ANKRD11: variants seen among roughly 807,000 people sequenced by gnomAD.
ANKRD11 encodes the protein ankyrin repeat domain-containing protein 11.
A neutral mutation model predicts 195.7 loss-of-function variants in ANKRD11; 17 were observed. The observed-to-expected ratio is 0.09, with a 90% confidence interval of 0.06 to 0.13. The LOEUF (loss-of-function observed/expected upper bound fraction) is 0.13, where lower values mean the gene tolerates loss of function less well. ANKRD11 is among the 10% of genes least tolerant of loss of function. The probability of loss-of-function intolerance (pLI) is 1.00; values close to 1 mark genes in which losing one functional copy is unlikely to be tolerated. For missense variants in ANKRD11, 3,735 were observed against 3,566.1 expected, an observed-to-expected ratio of 1.05 and a Z score of -1.21; for synonymous variants, 1,953 against 1,528.1, an observed-to-expected ratio of 1.28 and a Z score of -6.49.
Position 89,282,387 on chromosome 16 carries a change from G to C in ANKRD11, c.4155C>G (p.Ser1385Arg). 1 of 1,614,134 alleles carries C rather than the reference G, an allele frequency of 6.2e-7. No homozygotes were observed. Among genetic ancestry groups the C allele is most frequent in the Non-Finnish European group, 8.5e-7 (1 of 1,180,028 alleles). The stretch of plus-strand genomic sequence containing the variant: ...TTTCGTACTGGCCGGAGTCCTTCCT[G>C]CTACCGCCCTCCTTGTAATCTTCGC... ...EKGEDYKEGG[S>R]RKDSGQYEKD... is the part of the protein sequence containing the mutation. Residue 1385 changes from serine to arginine, a missense_variant, in exon 9 of 13, where the codon AGC (serine) becomes AGG (arginine). Transcript: ENST00000301030.
At chr16:89,489,376 C>T (rs1007667712) in intron 1 of ANKRD11, among the ~76,000 whole-genome samples, 1 of 151,702 alleles carries the variant, frequency 6.6e-6, no homozygotes, top group Non-Finnish European at 1.5e-5. Flanking sequence ...GCCGCCACCG[C>T]CACCGCTTTC....
In ANKRD11 at chr16:89,367,366, C is replaced by A. The variant is rs735814; in HGVS notation, c.-59-50288G>T. On this transcript the variant is annotated intron_variant, in intron 2 of 12. Coordinates refer to ENST00000301030, the MANE Select transcript of ANKRD11 (RefSeq NM_013275.6). ...GGCGCCCAGAGCGGCAGACCTCCCA[C>A]CACTGCTTCCACTGGGGAAAGGCCG... Among the ~76,000 whole-genome samples the A allele has an allele frequency of 4.6e-3, 706 of 152,376 alleles. 4 individuals are homozygous for A. The highest frequency in any genetic ancestry group is 0.016 in the African/African-American group (672 of 41,594).
intron 2 of ANKRD11, among the ~76,000 whole-genome samples, chr16:89,331,404 A>G (rs1047117943): frequency 6.6e-6 from 1 of 152,256 alleles, no homozygotes; most frequent in Non-Finnish European, 1.5e-5. Flanking sequence ...TCTCTGACAA[A>G]CAGGCAAAAA....
chr16:89,358,899 C>T (rs2039607926), intron 2 of ANKRD11, among the ~76,000 whole-genome samples: 2 of 152,114 alleles, frequency 1.3e-5, no homozygotes, highest in South Asian at 2.1e-4. Context: ...GATCATGGCT[C>T]ACCACAGCCT....
intron 1 of ANKRD11, among the ~76,000 whole-genome samples, chr16:89,488,828 C>T (rs1294690327): frequency 6.6e-6 from 1 of 152,182 alleles, no homozygotes; most frequent in Non-Finnish European, 1.5e-5. Flanking sequence ...AAACTCTCTC[C>T]TCATGTAAGA....
chr16:89,324,598 C>A (rs762516339), intron 2 of ANKRD11: 2 of 441,168 alleles, frequency 4.5e-6, no homozygotes, highest in Non-Finnish European at 9.2e-6. Flanking sequence ...TCATCAGCTG[C>A]CAGCACGGCA....
At chr16:89,457,886 C>G (rs1458628603) in intron 1 of ANKRD11, among the ~76,000 whole-genome samples, 1 of 152,146 alleles carries the variant, frequency 6.6e-6, no homozygotes, top group Non-Finnish European at 1.5e-5. Flanking sequence ...AAGTGTGGAG[C>G]TGAATGGAGC....
chr16:89,316,444 C>G (rs144029688), intron 3 of ANKRD11, among the ~76,000 whole-genome samples: 1 of 152,182 alleles, frequency 6.6e-6, no homozygotes, highest in African/African-American at 2.4e-5. Context: ...GCATCACCCC[C>G]CACACTGCAA....
At chr16:89,286,012 C>G in intron 8 of ANKRD11, 27 bp downstream of exon 8, 1 of 1,614,088 alleles carries the variant, frequency 6.2e-7, no homozygotes, top group Non-Finnish European at 8.5e-7. Context: ...CATAAAAGAA[C>G]AGGCAGCTCA....
rs1251071619 is a variant in ANKRD11 at position 89,304,950 on chromosome 16, C to T, written c.226+256G>A. On this transcript the variant is annotated intron_variant, in intron 4 of 12. Transcript: ENST00000301030. The stretch of plus-strand genomic sequence containing the variant: ...TACCTCGCCCAGGGCTGGACATGCA[C>T]CGGGTGCATCTCCACGTGTGTGGGA... The T allele has an allele frequency of 1.1e-5, 6 of 559,470 alleles. No individual in the cohort carries two copies. In the East Asian group the frequency reaches 1.9e-4, roughly 17 times the overall value. The allele number at this position is 559,470 out of a possible 1,614,324, so 34.7% of individuals were successfully genotyped here. A position where few individuals can be genotyped will look rare whatever the true frequency, so the allele number is the denominator to read the frequency against.
intron 2 of ANKRD11, chr16:89,324,424 A>G (rs1161143167): frequency 2.1e-5 from 10 of 480,676 alleles, no homozygotes; most frequent in South Asian, 1.2e-4. Context: ...AATGCAAACT[A>G]AAACCAAGGT....
intron 2 of ANKRD11, among the ~76,000 whole-genome samples, chr16:89,362,439 G>A (rs894510647): frequency 6.6e-6 from 1 of 152,198 alleles, no homozygotes; most frequent in Admixed American, 6.5e-5. Flanking sequence ...CACAGCTACA[G>A]AATGAAGTGA....
chr16:89,313,282 G>A, intron 3 of ANKRD11: 1 of 1,278,774 alleles, frequency 7.8e-7, no homozygotes, highest in Non-Finnish European at 1.0e-6. Context: ...GACCCATGGG[G>A]TGGGGACGAC....
intron 3 of ANKRD11, among the ~76,000 whole-genome samples, chr16:89,313,033 C>A (rs958058623): frequency 4.6e-5 from 7 of 152,168 alleles, no homozygotes; most frequent in African/African-American, 1.7e-4. Context: ...ACTGCAGCCT[C>A]CATGCCCATG....
intron 2 of ANKRD11, chr16:89,323,032 CG>C (rs2151941065): frequency 3.3e-6 from 1 of 307,250 alleles, no homozygotes; most frequent in East Asian, 1.1e-4. Context: ...TCTGTGGAGT[CG>C]GGTTTCGCCA....
At chr16:89,336,035 T>C (rs1220037182) in intron 2 of ANKRD11, among the ~76,000 whole-genome samples, 1 of 152,208 alleles carries the variant, frequency 6.6e-6, no homozygotes, top group African/African-American at 2.4e-5. Flanking sequence ...ATGGCCAACA[T>C]CACAGGAAAC....
chr16:89,413,494 G>A lies in ANKRD11; in HGVS notation c.-60+4790C>T, dbSNP rs1369507026. ...CAAAAAATTAGCCGGGCGTGGTGGC[G>A]GGCACCTATAGTCCCAGCTACTTGG... On this transcript the variant is annotated intron_variant, in intron 2 of 12. Coordinates refer to ENST00000301030, the MANE Select transcript of ANKRD11 (RefSeq NM_013275.6). Among the ~76,000 whole-genome samples, 9 of 152,042 alleles carry A rather than the reference G, an allele frequency of 5.9e-5. No individual in the cohort carries two copies. The East Asian group carries it at 7.7e-4, about 13-fold the overall frequency.
At chr16:89,391,080 T>C (rs2041171863) in intron 2 of ANKRD11, among the ~76,000 whole-genome samples, 1 of 151,850 alleles carries the variant, frequency 6.6e-6, no homozygotes, top group African/African-American at 2.4e-5. Context: ...TACAAAAAAT[T>C]AGCCGGGCGC....
chr16:89,404,089 A>C (rs2041812888), intron 2 of ANKRD11, among the ~76,000 whole-genome samples: 1 of 152,232 alleles, frequency 6.6e-6, no homozygotes, highest in South Asian at 2.1e-4. Context: ...TGCATCACAT[A>C]AGCTGCTAGC....
Sources: allele counts gnomAD v4.1 joint callset (sites outside exome capture counted in the v4.1 genomes callset), GRCh38; gene constraint gnomAD v4.1.1; transcripts MANE v1.5; gene names NCBI Gene and HGNC (gene_info 2026-07-23, HGNC 2026-07-21).